NSUN4: variants seen among roughly 807,000 people sequenced by gnomAD.
The protein encoded by NSUN4 is 5-cytosine rRNA methyltransferase NSUN4.
In NSUN4, 31 loss-of-function variants were observed where a neutral mutation model predicts 43.8. The observed-to-expected ratio is 0.71, with a 90% CI of 0.53 to 0.96. NSUN4 has a LOEUF of 0.96. Among genes scored for constraint, NSUN4 ranks in the 40% least tolerant of loss-of-function variants. The probability of loss-of-function intolerance (pLI) is 0.00; values close to 1 mark genes in which losing one functional copy is unlikely to be tolerated. For missense variants in NSUN4, 439 were observed against 475.6 expected (o/e 0.92, Z 0.72); for synonymous variants, 167 against 184.1 (o/e 0.91, Z 0.75).
intron 3 of NSUN4, among the ~76,000 whole-genome samples, 179 bp from the exon 4 acceptor site, chr1:46,352,689 G>T (rs1244032259): frequency 6.6e-6 from 1 of 152,190 alleles, no homozygotes; most frequent in Non-Finnish European, 1.5e-5. Flanking sequence ...CCATTTAGGT[G>T]TTTGCCATTG....
chr1:46,379,920 C>A, the NSUN4 span, among the ~76,000 whole-genome samples: 1 of 152,170 alleles, frequency 6.6e-6, no homozygotes, highest in Non-Finnish European at 1.5e-5. Context: ...TCACCTCCCC[C>A]AAAAGCTCCA....
At chr1:46,361,266 A>G (rs1364794152) in intron 5 of NSUN4, among the ~76,000 whole-genome samples, 1 of 152,168 alleles carries the variant, frequency 6.6e-6, no homozygotes, top group Non-Finnish European at 1.5e-5. Context: ...CACATGTTTG[A>G]AAAATAGCTG....
rs747769779 is a variant in NSUN4, at chr1:46,347,067, G to C, written c.584G>C (p.Gly195Ala). The change falls in exon 3 of 6, where the codon GGC (glycine) becomes GCC (alanine). Residue 195 changes from glycine to alanine, a missense_variant. Physicochemically the swap from Gly to Ala is moderately conservative, Grantham distance 60. Transcript: ENST00000474844. ...AAGACACTAGCGTTGCTTCAGACTG[G>C]CTGTTGCCGTAAGTCAGGGTGCTGG... ...GGKTLALLQT[G>A]CCRNLAANDL... 12 of 1,613,614 alleles carry C rather than the reference G, an allele frequency of 7.4e-6. 1 individual carries two copies. The South Asian group carries it at 1.3e-4, about 18-fold the overall frequency.
chr1:46,378,693 T>C, the NSUN4 span, among the ~76,000 whole-genome samples: 1 of 152,252 alleles, frequency 6.6e-6, no homozygotes, highest in Non-Finnish European at 1.5e-5. Context: ...AACCATTTAT[T>C]ATTGTCTGAG....
In NSUN4 at chr1:46,342,831, C is replaced by T. The variant is rs749839092; in HGVS notation, c.93+1912C>T. 129 of 399,968 alleles carry T rather than the reference C, an allele frequency of 3.2e-4. 1 individual carries two copies. In the Middle Eastern group the frequency reaches 0.01, roughly 31 times the overall value. 24.8% of individuals were successfully genotyped at this position (399,968 alleles called of 1,614,324 possible). A position where few individuals can be genotyped will look rare whatever the true frequency, so the allele number is the denominator to read the frequency against. The stretch of plus-strand genomic sequence containing the variant: ...TCTCTCCCTAGTCAACACTCCCCAG[C>T]ACACCCCTTCTGGCCAGCCCAAGCC... On this transcript the variant is annotated intron_variant, in intron 1 of 5. Coordinates refer to ENST00000474844, the MANE Select transcript of NSUN4 (RefSeq NM_199044.4).
At chr1:46,383,486 C>T in the NSUN4 span, among the ~76,000 whole-genome samples, 24 of 135,146 alleles carry the variant, frequency 1.8e-4, no homozygotes, top group African/African-American at 5.2e-4. Flanking sequence ...GATGGAGTCT[C>T]GCTCTGTCGC....
intron 1 of NSUN4, chr1:46,343,434 C>G: frequency 2.5e-6 from 1 of 399,652 alleles, no homozygotes; most frequent in Non-Finnish European, 4.4e-6. Flanking sequence ...TCTGCAGATC[C>G]CCTACAGCTG....
chr1:46,359,972 G>A (rs1663697617), intron 4 of NSUN4, among the ~76,000 whole-genome samples: 1 of 151,732 alleles, frequency 6.6e-6, no homozygotes, highest in African/African-American at 2.4e-5. Context: ...GCTCATGCCT[G>A]TAATCCTAGC....
chr1:46,384,262 T>G, the NSUN4 span, among the ~76,000 whole-genome samples: 1 of 152,244 alleles, frequency 6.6e-6, no homozygotes, highest in African/African-American at 2.4e-5. Context: ...TAGTAATCCC[T>G]CCTCTTGAAT....
Position 46,344,977 on chromosome 1 carries a change from G to A in NSUN4, c.270G>A (p.Leu90=), listed in dbSNP as rs780190693. The A allele has an allele frequency of 3.1e-6, 5 of 1,614,214 alleles. No homozygotes were observed. The highest frequency in any genetic ancestry group is 4.2e-6 in the Non-Finnish European group (5 of 1,180,032). The stretch of plus-strand genomic sequence containing the variant: ...CCTGGGATCATGTAAGTGCTAAGCT[G>A]GAGCAGCTGAGTGCCAAGGATTTTG... The part of the protein sequence containing the change: ...FAAWDHVSAK[L]EQLSAKDFVN... The change falls in exon 2 of 6, where the codon CTG becomes CTA. Residue 90 remains leucine (L), a synonymous_variant. Transcript: ENST00000474844.
intron 4 of NSUN4, among the ~76,000 whole-genome samples, chr1:46,358,479 G>C (rs909542199): frequency 3.2e-4 from 45 of 139,004 alleles, no homozygotes; most frequent in Middle Eastern, 4.9e-3. Context: ...TCGGCTCACT[G>C]CAACCTGTGC....
downstream of NSUN4, among the ~76,000 whole-genome samples, chr1:46,368,131 G>A (rs1251325492): frequency 6.6e-6 from 1 of 151,970 alleles, no homozygotes. Flanking sequence ...CCTACCTTAG[G>A]TAGGGCCTTA....
At position 46,361,962 on chromosome 1, in the gene NSUN4, G is replaced by A. The variant is rs948365767; in HGVS notation, c.*116G>A. On this transcript the variant is annotated 3_prime_UTR_variant, in exon 6 of 6. Transcript: ENST00000474844. ...TCTCGGTCCTGTCTCCATCCTGTTCGTGTCTTTCTGCAGTTTTCGGCAATA... is the reference window on the plus strand; with the variant it reads ...TCTCGGTCCTGTCTCCATCCTGTTCATGTCTTTCTGCAGTTTTCGGCAATA... The A allele has an allele frequency of 2.6e-5, 25 of 948,306 alleles. No individual in the cohort carries two copies. The highest frequency in any genetic ancestry group is 2.0e-4 in the African/African-American group (12 of 60,592). The allele number at this position is 948,306 out of a possible 1,614,324, so 58.7% of individuals were successfully genotyped here. A position where few individuals can be genotyped will look rare whatever the true frequency, so the allele number is the denominator to read the frequency against.
the NSUN4 span, among the ~76,000 whole-genome samples, chr1:46,371,453 C>T: frequency 7.2e-5 from 11 of 152,200 alleles, no homozygotes; most frequent in African/African-American, 2.2e-4. Context: ...CTACAGGTGC[C>T]TGCCTCCACG....
At chr1:46,376,407 T>TAA in the NSUN4 span, among the ~76,000 whole-genome samples, 4 of 137,458 alleles carry the variant, frequency 2.9e-5, no homozygotes, top group African/African-American at 1.1e-4. Flanking sequence ...GGACCCTGCA[T>TAA]AAAAAAAAAA....
At chr1:46,342,169 C>G in intron 1 of NSUN4, 1 of 400,708 alleles carries the variant, frequency 2.5e-6, no homozygotes, top group Non-Finnish European at 4.4e-6. Flanking sequence ...CTGATGATCT[C>G]TCTGCCCTCT....
chr1:46,382,944 T>G, the NSUN4 span, among the ~76,000 whole-genome samples: 1 of 152,168 alleles, frequency 6.6e-6, no homozygotes, highest in Non-Finnish European at 1.5e-5. Context: ...ACAACTGAGA[T>G]AAAGCACGTA....
intron 1 of NSUN4, chr1:46,342,952 A>C: frequency 2.5e-6 from 1 of 399,468 alleles, no homozygotes; most frequent in Non-Finnish European, 4.4e-6. Context: ...TCCAGCCCCA[A>C]AGAACTTCCC....
the NSUN4 span, among the ~76,000 whole-genome samples, chr1:46,372,610 C>T: frequency 1.3e-5 from 2 of 152,174 alleles, no homozygotes; most frequent in Non-Finnish European, 2.9e-5. Flanking sequence ...TTAGATATTC[C>T]TAATTTCTCC....
Sources: allele counts gnomAD v4.1 joint callset (sites outside exome capture counted in the v4.1 genomes callset), GRCh38; gene constraint gnomAD v4.1.1; transcripts MANE v1.5; gene names NCBI Gene and HGNC (gene_info 2026-07-23, HGNC 2026-07-21).